The following OR10V1 variants were observed in gnomAD, a reference collection of about 807,000 sequenced individuals.
OR10V1 encodes the protein olfactory receptor 10V1.
For missense variants in OR10V1, 391 were observed against 378.8 expected (o/e 1.03, Z -0.27); for synonymous variants, 139 against 148.2 (o/e 0.94, Z 0.45).
chr11:59,713,171 G>C lies in OR10V1; in HGVS notation c.675C>G (p.Ala225=), dbSNP rs1214182312. 1 of 1,614,094 alleles carries C rather than the reference G, an allele frequency of 6.2e-7. No individual in the cohort carries two copies. Among genetic ancestry groups the C allele is most frequent in the Non-Finnish European group, 8.5e-7 (1 of 1,180,012 alleles). ...CTTCTGCTGACCGGATCCGTAAAAT[G>C]GCTACCACGATGAAGACATAGGAGA... ...ISISYVFIVV[A]ILRIRSAEGR... The change falls in exon 1 of 1, where the codon GCC becomes GCG. Residue 225 remains alanine, a synonymous_variant. Transcript: ENST00000307552.
Position 59,713,332 on chromosome 11 carries a change from T to C in OR10V1, c.514A>G (p.Asn172Asp). The C allele has an allele frequency of 6.2e-7, 1 of 1,613,766 alleles. No individual in the cohort carries two copies. The highest frequency in any genetic ancestry group is 8.5e-7 in the Non-Finnish European group (1 of 1,179,950). The change falls in exon 1 of 1, where the codon AAT becomes GAT. Residue 172 changes from asparagine to aspartate, a missense_variant. Asn to Asp is a conservative substitution (Grantham distance 23). Coordinates refer to ENST00000307552, the MANE Select transcript of OR10V1 (RefSeq NM_001005324.1). The stretch of plus-strand genomic sequence containing the variant: ...CAGTAGAAGTGGTAGATCTCATCAT[T>C]GTGGCAGAATGGGAGATGGAAGATT... ...ILIFHLPFCH[N>D]DEIYHFYCDM...
At position 59,713,076 on chromosome 11, in the gene OR10V1, C is replaced by T; in HGVS notation, c.770G>A (p.Ser257Asn). Residue 257 changes from serine to asparagine, a missense_variant, in exon 1 of 1, where the codon AGC becomes AAC. Ser to Asn is a conservative substitution (Grantham distance 46). Transcript: ENST00000307552. ...LVVLLQYGCT[S>N]FIYLSPSSSY... Reference sequence around the variant, plus strand: ...GGAACTGGGGGACAAGTATATAAAGCTGGTGCAGCCATACTGCAGGAGGAC... The same window carrying T: ...GGAACTGGGGGACAAGTATATAAAGTTGGTGCAGCCATACTGCAGGAGGAC... 6.2e-7 allele frequency: 1 copy of T among 1,614,080 alleles called. No homozygotes were observed. Among genetic ancestry groups the T allele is most frequent in the Non-Finnish European group, 8.5e-7 (1 of 1,180,006 alleles).
At position 59,713,760 on chromosome 11, in the gene OR10V1, A is replaced by G; in HGVS notation, c.86T>C (p.Val29Ala). The change falls in exon 1 of 1, where the codon GTG (valine) becomes GCG (alanine). Residue 29 changes from valine to alanine, a missense_variant. Coordinates refer to ENST00000307552, the MANE Select transcript of OR10V1 (RefSeq NM_001005324.1). ...PDPEVQMLIFVVFLMMYLTSL... is the reference protein window; with the variant it reads ...PDPEVQMLIFAVFLMMYLTSL... ...GGTCAGATACATCATCAGGAAGACC[A>G]CAAAAATCAGCATCTGGACCTCAGG... is the stretch of plus-strand genomic sequence containing the variant. 1 of 1,614,194 alleles carries G rather than the reference A, an allele frequency of 6.2e-7. No individual in the cohort carries two copies. The highest frequency in any genetic ancestry group is 8.5e-7 in the Non-Finnish European group (1 of 1,180,028).
chr11:59,713,190 T>C lies in OR10V1; in HGVS notation c.656A>G (p.Tyr219Cys), dbSNP rs767477881. The C allele has an allele frequency of 8.7e-6, 14 of 1,613,790 alleles. No homozygotes were observed. The highest frequency in any genetic ancestry group is 2.2e-5 in the East Asian group (1 of 44,876). Reference protein sequence around the residue: ...SIPLSLISISYVFIVVAILRI... With the variant: ...SIPLSLISISCVFIVVAILRI... ...TAAAATGGCTACCACGATGAAGACATAGGAGATGGAGATCAATGAGAGGGG... is the reference window on the plus strand; with the variant it reads ...TAAAATGGCTACCACGATGAAGACACAGGAGATGGAGATCAATGAGAGGGG... Residue 219 changes from tyrosine (Y) to cysteine (C), a missense_variant, in exon 1 of 1, where the codon TAT becomes TGT. By Grantham distance (194) the Tyr-to-Cys change is radical. Coordinates refer to ENST00000307552, the MANE Select transcript of OR10V1 (RefSeq NM_001005324.1).
In OR10V1 at chr11:59,713,007, G is replaced by T; in HGVS notation, c.839C>A (p.Thr280Lys). The T allele has an allele frequency of 6.2e-7, 1 of 1,614,026 alleles. No homozygotes were observed. ...GGGGTTTAAAATGGGAGTGATAAAT[G>T]TGTAGGCCACAGATACCACCCGGCC... The part of the protein sequence containing the change: ...EMGRVVSVAY[T>K]FITPILNPLI... Residue 280 changes from threonine (T) to lysine (K), a missense_variant, in exon 1 of 1, where the codon ACA becomes AAA. Thr to Lys is a moderately conservative substitution (Grantham distance 78). Coordinates refer to ENST00000307552, the MANE Select transcript of OR10V1 (RefSeq NM_001005324.1).
rs757594099 is a variant in OR10V1, at chr11:59,713,481, T to G, written c.365A>C (p.Asp122Ala). The change falls in exon 1 of 1, where the codon GAC (aspartate) becomes GCC (alanine). Residue 122 changes from aspartate to alanine, a missense_variant. Transcript: ENST00000307552. ...AGGGTGACAGATCGCTATAAACTGG[T>G]CATAAGCCATGACTACCAGCAGGAC... ...DCVLLVVMAYDQFIAICHPLR... is the reference protein window; with the variant it reads ...DCVLLVVMAYAQFIAICHPLR... The G allele has an allele frequency of 6.2e-7, 1 of 1,613,420 alleles. No homozygotes were observed. The highest frequency in any genetic ancestry group is 2.2e-5 in the East Asian group (1 of 44,858).
rs1302430056 is a variant in OR10V1 at position 59,713,127 on chromosome 11, G to C, written c.719C>G (p.Ser240Cys). The change falls in exon 1 of 1, where the codon TCT (serine) becomes TGT (cysteine). Residue 240 changes from serine to cysteine, a missense_variant. By Grantham distance (112) the Ser-to-Cys change is moderately radical. Transcript: ENST00000307552. ...RSAEGRQQAY[S>C]TCSSHILVVL... ...CACTAAGATGTGAGAAGAGCAGGTA[G>C]AGTAGGCTTGCTGGCGCCCTTCTGC... 1 of 1,614,106 alleles carries C rather than the reference G, an allele frequency of 6.2e-7. No individual in the cohort carries two copies. The highest frequency in any genetic ancestry group is 1.1e-5 in the South Asian group (1 of 91,078).
rs141649641 is a variant in OR10V1 at position 59,713,286 on chromosome 11, C to G, written c.560G>C (p.Arg187Pro). Residue 187 changes from arginine (R) to proline (P), a missense_variant, in exon 1 of 1, where the codon CGC becomes CCC. By Grantham distance (103) the Arg-to-Pro change is moderately radical. Coordinates refer to ENST00000307552, the MANE Select transcript of OR10V1 (RefSeq NM_001005324.1). ...AACGCGTGTGTCTGCACAAGCCAGG[C>G]GCATGACTGCAGGCATGTCACAGTA... ...HFYCDMPAVM[R>P]LACADTRVHK... 110 of 1,613,966 alleles carry G rather than the reference C, an allele frequency of 6.8e-5. No individual in the cohort carries two copies. The highest frequency in any genetic ancestry group is 9.1e-5 in the Non-Finnish European group (107 of 1,180,014).
Position 59,713,716 on chromosome 11 carries a change from T to C in OR10V1, c.130A>G (p.Thr44Ala). Residue 44 changes from threonine (T) to alanine (A), a missense_variant, in exon 1 of 1, where the codon ACA becomes GCA. By Grantham distance (58) the Thr-to-Ala change is moderately conservative (BLOSUM62 0). Coordinates refer to ENST00000307552, the MANE Select transcript of OR10V1 (RefSeq NM_001005324.1). Reference sequence around the variant, plus strand: ...TTGATCTGAACAATGACTGCAATTGTAGCATTTCCACCGAGGCTGGTCAGA... The same window carrying C: ...TTGATCTGAACAATGACTGCAATTGCAGCATTTCCACCGAGGCTGGTCAGA... ...MYLTSLGGNATIAVIVQINHS... is the reference protein window; with the variant it reads ...MYLTSLGGNAAIAVIVQINHS... 1.2e-6 allele frequency: 2 copies of C among 1,614,144 alleles called. No homozygotes were observed. The highest frequency in any genetic ancestry group is 1.7e-6 in the Non-Finnish European group (2 of 1,180,028).
Position 59,713,386 on chromosome 11 carries a change from A to G in OR10V1, c.460T>C (p.Phe154Leu), listed in dbSNP as rs1239294973. ...ELLVGSLVLG[F>L]LLSLPLTILI... ...ATGGTGAGTGGCAGTGACAACAGGA[A>G]CCCCAGCACCAAGGAGCCTACCAGC... The change falls in exon 1 of 1, where the codon TTC (phenylalanine) becomes CTC (leucine). Residue 154 changes from phenylalanine to leucine, a missense_variant. By Grantham distance (22) the Phe-to-Leu change is conservative (BLOSUM62 0). Coordinates refer to ENST00000307552, the MANE Select transcript of OR10V1 (RefSeq NM_001005324.1). 3.1e-6 allele frequency: 5 copies of G among 1,613,530 alleles called. No individual in the cohort carries two copies. In the South Asian group the frequency reaches 5.5e-5, roughly 18 times the overall value.
Position 59,713,091 on chromosome 11 carries a change from T to A in OR10V1, c.755A>T (p.Gln252Leu). ...CSSHILVVLL[Q>L]YGCTSFIYLS... ...GTATATAAAGCTGGTGCAGCCATAC[T>A]GCAGGAGGACCACTAAGATGTGAGA... is the stretch of plus-strand genomic sequence containing the variant. The change falls in exon 1 of 1, where the codon CAG becomes CTG. Residue 252 changes from glutamine (Q) to leucine (L), a missense_variant. By Grantham distance (113) the Gln-to-Leu change is moderately radical. Coordinates refer to ENST00000307552, the MANE Select transcript of OR10V1 (RefSeq NM_001005324.1). The A allele has an allele frequency of 6.2e-7, 1 of 1,614,134 alleles. No individual in the cohort carries two copies. Among genetic ancestry groups the A allele is most frequent in the East Asian group, 2.2e-5 (1 of 44,874 alleles).
rs773276923 is a variant in OR10V1, at chr11:59,713,235, CTGA to C, written c.608_610del (p.Ile203del). On this transcript the variant is annotated inframe_deletion, in exon 1 of 1. Transcript: ENST00000307552. ...GAGGGGGATGCTAAGGACGATGAAGCTGATGATATACAGAGCAGTCTTGTGAAC... is the reference window on the plus strand; with the variant it reads ...GAGGGGGATGCTAAGGACGATGAAGCTGATATACAGAGCAGTCTTGTGAAC... 8 of 1,614,112 alleles carry C rather than the reference CTGA, an allele frequency of 5.0e-6. No homozygotes were observed. The highest frequency in any genetic ancestry group is 6.8e-6 in the Non-Finnish European group (8 of 1,180,018).
Position 59,713,726 on chromosome 11 carries a change from A to G in OR10V1, c.120T>C (p.Gly40=). 1.2e-6 allele frequency: 2 copies of G among 1,614,110 alleles called. No individual in the cohort carries two copies. Among genetic ancestry groups the G allele is most frequent in the East Asian group, 2.2e-5 (1 of 44,884 alleles). Reference sequence around the variant, plus strand: ...CAATGACTGCAATTGTAGCATTTCCACCGAGGCTGGTCAGATACATCATCA... The same window carrying G: ...CAATGACTGCAATTGTAGCATTTCCGCCGAGGCTGGTCAGATACATCATCA... ...VFLMMYLTSL[G]GNATIAVIVQ... Residue 40 remains glycine (G), a synonymous_variant, in exon 1 of 1, where the codon GGT becomes GGC. Coordinates refer to ENST00000307552, the MANE Select transcript of OR10V1 (RefSeq NM_001005324.1).
chr11:59,713,580 C>T lies in OR10V1; in HGVS notation c.266G>A (p.Gly89Asp). The change falls in exon 1 of 1, where the codon GGC becomes GAC. Residue 89 changes from glycine to aspartate, a missense_variant. Transcript: ENST00000307552. ...PLALANLLSMGKTPVSITGCG... is the reference protein window; with the variant it reads ...PLALANLLSMDKTPVSITGCG... ...TCCCGTGATGGAAACAGGAGTTTTG[C>T]CCATTGAAAGGAGGTTTGCCAAGGC... is the stretch of plus-strand genomic sequence containing the variant. 6.2e-7 allele frequency: 1 copy of T among 1,614,036 alleles called. No homozygotes were observed. The highest frequency in any genetic ancestry group is 8.5e-7 in the Non-Finnish European group (1 of 1,180,014).
At position 59,712,977 on chromosome 11, in the gene OR10V1, A is replaced by C. The variant is rs201505499; in HGVS notation, c.869T>G (p.Ile290Ser). The stretch of plus-strand genomic sequence containing the variant: ...CAGTTCCTTGTTCCTCAAACTATAG[A>C]TCAAGGGGTTTAAAATGGGAGTGAT... ...TFITPILNPL[I>S]YSLRNKELKD... Residue 290 changes from isoleucine to serine, a missense_variant, in exon 1 of 1, where the codon ATC becomes AGC. Transcript: ENST00000307552. The C allele has an allele frequency of 1.4e-5, 22 of 1,614,142 alleles. No individual in the cohort carries two copies. The East Asian group carries it at 4.9e-4, about 36-fold the overall frequency.
Position 59,713,696 on chromosome 11 carries a change from C to A in OR10V1, c.150G>T (p.Gln50His), listed in dbSNP as rs553311538. ...GGNATIAVIV[Q>H]INHSLHTPMY... Reference sequence around the variant, plus strand: ...TGGGGGTGTGGAGGGAATGATTGATCTGAACAATGACTGCAATTGTAGCAT... The same window carrying A: ...TGGGGGTGTGGAGGGAATGATTGATATGAACAATGACTGCAATTGTAGCAT... The change falls in exon 1 of 1, where the codon CAG (glutamine) becomes CAT (histidine). Residue 50 changes from glutamine to histidine, a missense_variant. Gln to His is a conservative substitution (Grantham distance 24). Coordinates refer to ENST00000307552, the MANE Select transcript of OR10V1 (RefSeq NM_001005324.1). The A allele has an allele frequency of 2.5e-6, 4 of 1,613,950 alleles. No homozygotes were observed. The African/African-American group carries it at 5.3e-5, about 22-fold the overall frequency.
chr11:59,713,478 T>C lies in OR10V1; in HGVS notation c.368A>G (p.Gln123Arg), dbSNP rs499033. 0.92 allele frequency: 1,489,407 copies of C among 1,613,536 alleles called. 688,057 individuals carry two copies. The highest frequency in any genetic ancestry group is 1 in the East Asian group (44,859 of 44,868). Residue 123 changes from glutamine (Q) to arginine (R), a missense_variant, in exon 1 of 1, where the codon CAG (glutamine) becomes CGG (arginine). By Grantham distance (43) the Gln-to-Arg change is conservative. Coordinates refer to ENST00000307552, the MANE Select transcript of OR10V1 (RefSeq NM_001005324.1). Reference sequence around the variant, plus strand: ...CAGAGGGTGACAGATCGCTATAAACTGGTCATAAGCCATGACTACCAGCAG... The same window carrying C: ...CAGAGGGTGACAGATCGCTATAAACCGGTCATAAGCCATGACTACCAGCAG... Reference protein sequence around the residue: ...CVLLVVMAYDQFIAICHPLRY... With the variant: ...CVLLVVMAYDRFIAICHPLRY...
In OR10V1 at chr11:59,713,016, A is replaced by C. The variant is rs1862192657; in HGVS notation, c.830T>G (p.Val277Gly). ...AATGGGAGTGATAAATGTGTAGGCC[A>C]CAGATACCACCCGGCCCATCTCAGG... The part of the protein sequence containing the change: ...YSPEMGRVVS[V>G]AYTFITPILN... Residue 277 changes from valine (V) to glycine (G), a missense_variant, in exon 1 of 1, where the codon GTG becomes GGG. Physicochemically the swap from Val to Gly is moderately radical, Grantham distance 109. Coordinates refer to ENST00000307552, the MANE Select transcript of OR10V1 (RefSeq NM_001005324.1). 1 of 1,614,136 alleles carries C rather than the reference A, an allele frequency of 6.2e-7. No individual in the cohort carries two copies.
Position 59,713,231 on chromosome 11 carries a change from G to A in OR10V1, c.615C>T (p.Phe205=). ...VHKTALYIIS[F]IVLSIPLSLI... ...ATGAGAGGGGGATGCTAAGGACGAT[G>A]AAGCTGATGATATACAGAGCAGTCT... The change falls in exon 1 of 1, where the codon TTC becomes TTT. Residue 205 remains phenylalanine (F), a synonymous_variant. Transcript: ENST00000307552. The A allele has an allele frequency of 6.2e-7, 1 of 1,614,174 alleles. No individual in the cohort carries two copies. Among genetic ancestry groups the A allele is most frequent in the Non-Finnish European group, 8.5e-7 (1 of 1,180,026 alleles).
Sources: allele counts gnomAD v4.1 joint callset, GRCh38; gene constraint gnomAD v4.1.1; transcripts MANE v1.5; gene names NCBI Gene and HGNC (gene_info 2026-07-23, HGNC 2026-07-21).